CIB3: variants seen among roughly 807,000 people sequenced by gnomAD.
CIB3 encodes the protein calcium and integrin-binding family member 3.
CIB3 carries 22 observed loss-of-function variants against 23.4 expected under a neutral mutation model. That is an observed-to-expected ratio of 0.94 (90% confidence interval 0.67 to 1.34). The LOEUF is 1.34. CIB3 is among the 40% of genes most tolerant of loss of function. CIB3 has a pLI of 0.00. For synonymous variants in CIB3, 93 were observed against 95.8 expected, an observed-to-expected ratio of 0.97 and a Z score of 0.17; for missense variants, 258 against 247.3, an observed-to-expected ratio of 1.04 and a Z score of -0.29.
At chr19:16,163,231 T>C (rs890718933) in intron 5 of CIB3, among the ~76,000 whole-genome samples, 125 of 152,180 alleles carry the variant, frequency 8.2e-4, no homozygotes, top group Non-Finnish European at 6.3e-4. Flanking sequence ...TGCACTGCAG[T>C]CTGGGTCACT....
Position 16,172,138 on chromosome 19 carries a change from C to T in CIB3, c.86+1024G>A, listed in dbSNP as rs149279328. 5.6e-3 allele frequency among the ~76,000 whole-genome samples: 847 copies of T among 152,358 alleles called. 4 individuals carry two copies. Among genetic ancestry groups the T allele is most frequent in the Non-Finnish European group, 9.3e-3 (634 of 68,030 alleles). On this transcript the variant is annotated intron_variant, in intron 2 of 5. Transcript: ENST00000269878. Reference sequence around the variant, plus strand: ...TGGGCTCCCAGCCTCAAGTCCCAGTCTCAGGAGAATCTTTATCTTTCATTT... The same window carrying T: ...TGGGCTCCCAGCCTCAAGTCCCAGTTTCAGGAGAATCTTTATCTTTCATTT...
At chr19:16,166,399 G>A (rs1268451989) in intron 4 of CIB3, among the ~76,000 whole-genome samples, 3 of 152,024 alleles carry the variant, frequency 2.0e-5, no homozygotes, top group Middle Eastern at 3.4e-3. Flanking sequence ...CACGTACTAC[G>A]TATCAAGCAC....
chr19:16,164,398 A>G (rs550263076), intron 5 of CIB3, among the ~76,000 whole-genome samples: 1 of 152,338 alleles, frequency 6.6e-6, no homozygotes, highest in East Asian at 1.9e-4. Flanking sequence ...TTTGCCCTGC[A>G]GTGGCGGCTG....
chr19:16,171,599 G>C (rs552296088), intron 2 of CIB3, among the ~76,000 whole-genome samples: 1 of 152,182 alleles, frequency 6.6e-6, no homozygotes, highest in Non-Finnish European at 1.5e-5. Flanking sequence ...GTGGCTCTGA[G>C]CATGTTCCTC....
At position 16,164,709 on chromosome 19, in the gene CIB3, G is replaced by C. The variant is rs2091298062; in HGVS notation, c.542+9C>G. The C allele has an allele frequency of 1.9e-6, 3 of 1,612,130 alleles. No homozygotes were observed. The highest frequency in any genetic ancestry group is 1.3e-5 in the African/African-American group (1 of 74,860). On this transcript the variant is annotated intron_variant, in intron 5 of 5. Coordinates refer to ENST00000269878, the MANE Select transcript of CIB3 (RefSeq NM_054113.4). Reference sequence around the variant, plus strand: ...CAAATGGACTGTGGGCGGTGACGGAGAGCATCACCTGAGGAAGTCTGGTGC... The same window carrying C: ...CAAATGGACTGTGGGCGGTGACGGACAGCATCACCTGAGGAAGTCTGGTGC...
chr19:16,162,690 G>A (rs900774236), intron 5 of CIB3, among the ~76,000 whole-genome samples: 3 of 151,932 alleles, frequency 2.0e-5, no homozygotes, highest in African/African-American at 7.3e-5. Flanking sequence ...GCGAGGTGGA[G>A]GTTGCTGTGA....
At chr19:16,161,616 C>A (rs1244286978) in intron 5 of CIB3, 130 bp from the exon 6 acceptor site, 9 of 899,430 alleles carry the variant, frequency 1.0e-5, no homozygotes, top group Non-Finnish European at 1.6e-5. Context: ...CCTCAAACAA[C>A]CCTAGGCCGG....
At chr19:16,167,751 G>C (rs932995396) in intron 4 of CIB3, among the ~76,000 whole-genome samples, 7 of 152,196 alleles carry the variant, frequency 4.6e-5, no homozygotes, top group Non-Finnish European at 1.5e-5. Context: ...AGAATCACTT[G>C]AACCTGGGAG....
At chr19:16,173,041 T>TACGCAC (rs1363392403) in intron 2 of CIB3, 121 bp downstream of exon 2, 2 of 784,012 alleles carry the variant, frequency 2.6e-6, no homozygotes, top group African/African-American at 4.0e-5. Flanking sequence ...AAAGACTACT[T>TACGCAC]ACACACACAC....
chr19:16,173,083 CA>C (rs2091336443), intron 2 of CIB3, 78 bp downstream of exon 2: 8 of 1,472,318 alleles, frequency 5.4e-6, no homozygotes, highest in African/African-American at 4.4e-5. Flanking sequence ...CACACACACA[CA>C]CCAAATTGCA....
intron 2 of CIB3, among the ~76,000 whole-genome samples, chr19:16,170,229 G>A (rs980919566): frequency 6.6e-6 from 1 of 152,132 alleles, no homozygotes; most frequent in African/African-American, 2.4e-5. Flanking sequence ...ACCTCCCTGG[G>A]GGCAGGGTCA....
chr19:16,163,882 C>A (rs1028054704), intron 5 of CIB3, among the ~76,000 whole-genome samples: 2 of 152,146 alleles, frequency 1.3e-5, no homozygotes, highest in Non-Finnish European at 2.9e-5. Context: ...TGAGCCAATA[C>A]AACTTTACTG....
At chr19:16,169,557 C>T in intron 3 of CIB3, 73 bp downstream of exon 3, 1 of 1,338,042 alleles carries the variant, frequency 7.5e-7, no homozygotes, top group Non-Finnish European at 1.0e-6. Context: ...AACTGCAGCA[C>T]TGACCTCAGA....
At chr19:16,163,978 T>A (rs142903614) in intron 5 of CIB3, among the ~76,000 whole-genome samples, 37 of 152,228 alleles carry the variant, frequency 2.4e-4, no homozygotes, top group Non-Finnish European at 2.6e-4. Flanking sequence ...TTTAATGTGT[T>A]TATTTATTTT....
Position 16,164,865 on chromosome 19 carries a change from A to G in CIB3, c.395T>C (p.Val132Ala). 6.2e-7 allele frequency: 1 copy of G among 1,614,046 alleles called. No homozygotes were observed. The highest frequency in any genetic ancestry group is 8.5e-7 in the Non-Finnish European group (1 of 1,179,994). Residue 132 changes from valine (V) to alanine (A), a missense_variant, in exon 5 of 6, where the codon GTG becomes GCG. Physicochemically the swap from Val to Ala is moderately conservative, Grantham distance 64. Coordinates refer to ENST00000269878, the MANE Select transcript of CIB3 (RefSeq NM_054113.4). Reference protein sequence around the residue: ...YICAWDLEQTVTKLTRGGLSA... With the variant: ...YICAWDLEQTATKLTRGGLSA... ...CAGCCCCCCCCGCGTCAGTTTGGTC[A>G]CCGTCTGCTCCAGGTCCCACGCACA... is the stretch of plus-strand genomic sequence containing the variant.
At chr19:16,164,467 G>C (rs570184467) in intron 5 of CIB3, among the ~76,000 whole-genome samples, 2 of 152,094 alleles carry the variant, frequency 1.3e-5, no homozygotes, top group South Asian at 4.1e-4. Flanking sequence ...AACTGTTCAG[G>C]CAACAAGGGC....
chr19:16,169,265 T>G (rs1361615828), intron 3 of CIB3, among the ~76,000 whole-genome samples: 1 of 152,142 alleles, frequency 6.6e-6, no homozygotes, highest in African/African-American at 2.4e-5. Context: ...TGCCTCAGTC[T>G]CCCTAGTAGC....
At chr19:16,163,632 A>C (rs2091294125) in intron 5 of CIB3, among the ~76,000 whole-genome samples, 1 of 152,230 alleles carries the variant, frequency 6.6e-6, no homozygotes, top group Non-Finnish European at 1.5e-5. Context: ...CAATTCAAAA[A>C]ATAAAAAATA....
rs765232495 is a variant in CIB3, at chr19:16,164,903, G to C, written c.357C>G (p.Asn119Lys). Residue 119 changes from asparagine (N) to lysine (K), a missense_variant, in exon 5 of 6, where the codon AAC becomes AAG. By Grantham distance (94) the Asn-to-Lys change is moderately conservative. Coordinates refer to ENST00000269878, the MANE Select transcript of CIB3 (RefSeq NM_054113.4). ...GGTCCCACGCACAAATGTAGTCGTC[G>C]TTGTTAAAATCTGCAGAGCAGGATG... Reference protein sequence around the residue: ...YYAFKIYDFNNDDYICAWDLE... With the variant: ...YYAFKIYDFNKDDYICAWDLE... 6.8e-6 allele frequency: 11 copies of C among 1,613,940 alleles called. No homozygotes were observed. The highest frequency in any genetic ancestry group is 1.7e-4 in the Middle Eastern group (1 of 6,058).
Sources: gnomAD v4.1 joint callset for allele counts (sites outside exome capture counted in the v4.1 genomes callset) on GRCh38, gnomAD v4.1.1 for gene constraint, MANE v1.5 for transcripts, NCBI Gene and HGNC (gene_info 2026-07-23, HGNC 2026-07-21) for gene names.